Variants in NTRK3 observed in about 807,000 individuals in gnomAD.
NTRK3 encodes neurotrophic receptor tyrosine kinase 3.
In NTRK3, 24 loss-of-function variants were observed where a neutral mutation model predicts 91.7. The observed-to-expected ratio is 0.26, with a 90% CI of 0.19 to 0.37. NTRK3 has a LOEUF of 0.37. NTRK3 is among the 10% of genes least tolerant of loss of function. NTRK3 has a pLI of 1.00. For synonymous variants in NTRK3, 483 were observed against 404.0 expected, an observed-to-expected ratio of 1.20 and a Z score of -2.34; for missense variants, 880 against 1,068.9, an observed-to-expected ratio of 0.82 and a Z score of 2.46.
intron 13 of NTRK3, among the ~76,000 whole-genome samples, chr15:88,095,412 G>C (rs377477645): frequency 6.6e-6 from 1 of 152,172 alleles, no homozygotes; most frequent in Non-Finnish European, 1.5e-5. Context: ...GCTGATCAGC[G>C]ATGAGTGGTC....
intron 13 of NTRK3, among the ~76,000 whole-genome samples, chr15:88,046,793 A>G (rs868436917): frequency 5.9e-5 from 9 of 152,296 alleles, no homozygotes; most frequent in Middle Eastern, 3.4e-3. Context: ...TTTCACAGAC[A>G]TGCCATAAAA....
chr15:88,151,201 C>T (rs74027775), intron 5 of NTRK3, among the ~76,000 whole-genome samples: 2,784 of 152,170 alleles, frequency 0.018, 77 homozygotes, highest in African/African-American at 0.061. Flanking sequence ...AATCAAGTTC[C>T]GTGACACTGC....
At chr15:87,876,794 T>G in exon 19 of NTRK3, 1 of 925,064 alleles carries the variant, frequency 1.1e-6, no homozygotes, top group Non-Finnish European at 1.7e-6. Context: ...CTTTTTTCAG[T>G]GTTGTATGTG....
At chr15:88,098,443 C>T (rs773514333) in intron 13 of NTRK3, 16 of 195,540 alleles carry the variant, frequency 8.2e-5, no homozygotes, top group Admixed American at 1.2e-4. Flanking sequence ...TCAAGCCACT[C>T]GTGGAGCTTC....
chr15:88,134,808 G>C (rs2041716943), intron 10 of NTRK3, among the ~76,000 whole-genome samples: 1 of 152,222 alleles, frequency 6.6e-6, no homozygotes, highest in Admixed American at 6.5e-5. Flanking sequence ...GGCTGGGTCA[G>C]AATTCTCTAC....
At chr15:87,897,750 T>C (rs1484228540) in intron 17 of NTRK3, among the ~76,000 whole-genome samples, 1 of 152,342 alleles carries the variant, frequency 6.6e-6, no homozygotes, top group Admixed American at 6.5e-5. Context: ...CAAAATAAGA[T>C]AATTTCTTTC....
chr15:87,891,402 T>C (rs1384662545), intron 17 of NTRK3, among the ~76,000 whole-genome samples: 1 of 152,214 alleles, frequency 6.6e-6, no homozygotes, highest in African/African-American at 2.4e-5. Context: ...TGTTGCTTTA[T>C]AATGATGTAA....
intron 13 of NTRK3, among the ~76,000 whole-genome samples, chr15:88,039,391 T>C (rs1482839111): frequency 6.6e-6 from 1 of 152,188 alleles, no homozygotes; most frequent in Admixed American, 6.5e-5. Flanking sequence ...ATTGGTGCCT[T>C]GTTTTTTTCT....
At chr15:88,014,789 G>A (rs2077114270) in intron 14 of NTRK3, among the ~76,000 whole-genome samples, 2 of 152,194 alleles carry the variant, frequency 1.3e-5, no homozygotes, top group African/African-American at 2.4e-5. Context: ...CACGGTCTCT[G>A]ATTCCTCTTC....
At chr15:88,108,244 C>T (rs1384238556) in intron 13 of NTRK3, among the ~76,000 whole-genome samples, 3 of 152,222 alleles carry the variant, frequency 2.0e-5, no homozygotes, top group Non-Finnish European at 4.4e-5. Context: ...TGGCTAACAT[C>T]CCCAAATACA....
chr15:87,971,815 C>T (rs1031786271), intron 14 of NTRK3, among the ~76,000 whole-genome samples: 4 of 152,296 alleles, frequency 2.6e-5, no homozygotes, highest in Non-Finnish European at 5.9e-5. Context: ...AGCACATGTG[C>T]TCCCCACAGC....
chr15:87,883,927 C>A (rs1437393014), intron 17 of NTRK3, among the ~76,000 whole-genome samples: 2 of 137,800 alleles, frequency 1.5e-5, no homozygotes, highest in African/African-American at 2.7e-5. Flanking sequence ...AAAATTACAG[C>A]ATTTAAGCAT....
intron 13 of NTRK3, among the ~76,000 whole-genome samples, chr15:88,076,862 G>C (rs758674717): frequency 6.6e-6 from 1 of 152,064 alleles, no homozygotes; most frequent in Non-Finnish European, 1.5e-5. Flanking sequence ...GGAATCCGAG[G>C]TGGGTGGATC....
intron 17 of NTRK3, among the ~76,000 whole-genome samples, chr15:87,890,705 A>G (rs1323614190): frequency 1.3e-5 from 2 of 152,176 alleles, no homozygotes; most frequent in East Asian, 3.9e-4. Context: ...GTCTTCTCAC[A>G]TAACGCCAAT....
exon 19 of NTRK3, chr15:87,866,975 C>T (rs8030191): frequency 0.037 from 7,992 of 216,918 alleles, 661 homozygotes; most frequent in African/African-American, 0.17. Flanking sequence ...TTATGTTTTA[C>T]CATTTATCCA....
intron 5 of NTRK3, among the ~76,000 whole-genome samples, chr15:88,163,205 G>A (rs2044626511): frequency 6.6e-6 from 1 of 152,128 alleles, no homozygotes; most frequent in East Asian, 1.9e-4. Context: ...CTGGTAGCAA[G>A]CAATTCATAT....
intron 5 of NTRK3, among the ~76,000 whole-genome samples, chr15:88,160,077 G>C (rs369783498): frequency 4.6e-5 from 7 of 151,994 alleles, no homozygotes; most frequent in African/African-American, 1.5e-4. Context: ...TGAGGGTCCC[G>C]GGATGAGTGG....
chr15:88,246,170 C>A (rs985268217), intron 3 of NTRK3, among the ~76,000 whole-genome samples: 4 of 152,230 alleles, frequency 2.6e-5, no homozygotes, highest in Admixed American at 2.6e-4. Flanking sequence ...TGGAACAAGA[C>A]AGCACCTGCT....
chr15:88,034,569 G>A (rs1272548732), intron 13 of NTRK3, among the ~76,000 whole-genome samples: 1 of 152,220 alleles, frequency 6.6e-6, no homozygotes, highest in Non-Finnish European at 1.5e-5. Flanking sequence ...CCCAGACAAA[G>A]TGCCTGCTGT....
Sources: allele counts gnomAD v4.1 joint callset (sites outside exome capture counted in the v4.1 genomes callset), GRCh38; gene constraint gnomAD v4.1.1; transcripts MANE v1.5; gene names NCBI Gene and HGNC (gene_info 2026-07-23, HGNC 2026-07-21).